PCDHGB2: variants seen among roughly 807,000 people sequenced by gnomAD.
PCDHGB2 encodes protocadherin gamma subfamily B, 2.
A neutral mutation model predicts 59.3 loss-of-function variants in PCDHGB2; 55 were observed. The observed-to-expected ratio is 0.93, with a 90% CI of 0.75 to 1.16. PCDHGB2 has a LOEUF of 1.16. PCDHGB2 is among the 50% of genes most tolerant of loss of function. The probability of loss-of-function intolerance (pLI) is 0.00; values close to 1 mark genes in which losing one functional copy is unlikely to be tolerated. For missense variants in PCDHGB2, 1,228 were observed against 1,198.5 expected (o/e 1.02, Z -0.36); for synonymous variants, 516 against 512.0 (o/e 1.01, Z -0.11).
chr5:141,497,919 T>G (rs762168347), intron 2 of PCDHGB2, among the ~76,000 whole-genome samples: 11 of 152,206 alleles, frequency 7.2e-5, no homozygotes, highest in Non-Finnish European at 1.6e-4. Flanking sequence ...TCTCCTTCAT[T>G]CATTCAACAA....
chr5:141,428,479 T>A (rs577865239), intron 1 of PCDHGB2: 1 of 328,682 alleles, frequency 3.0e-6, no homozygotes, highest in African/African-American at 2.1e-5. Flanking sequence ...TTTGCTTTAT[T>A]CCTGCAATCT....
chr5:141,433,223 T>C lies in PCDHGB2; in HGVS notation c.2422-61584T>C, dbSNP rs2097577369. On this transcript the variant is annotated intron_variant, in intron 1 of 3. Coordinates refer to ENST00000522605, the MANE Select transcript of PCDHGB2 (RefSeq NM_018923.3). The stretch of plus-strand genomic sequence containing the variant: ...AATCTTCTTTCTTTTTTTTTTTTAA[T>C]TGCTCTGTCTCCCAAGCTGGAATGC... The C allele has an allele frequency of 4.6e-6, 7 of 1,525,952 alleles. No individual in the cohort carries two copies. In the East Asian group the frequency reaches 1.6e-4, roughly 34 times the overall value. The allele number at this position is 1,525,952 out of a possible 1,614,324, so 94.5% of individuals were successfully genotyped here. A position where few individuals can be genotyped will look rare whatever the true frequency, so the allele number is the denominator to read the frequency against.
intron 1 of PCDHGB2, among the ~76,000 whole-genome samples, chr5:141,382,210 G>T (rs61675507): frequency 0.17 from 26,250 of 151,970 alleles, 2,491 homozygotes; most frequent in Admixed American, 0.27. Context: ...TATTAAAATA[G>T]GTCTATATAT....
intron 1 of PCDHGB2, chr5:141,370,493 C>T: frequency 6.2e-7 from 1 of 1,613,944 alleles, no homozygotes; most frequent in Non-Finnish European, 8.5e-7. Flanking sequence ...CCGAACCGAT[C>T]CGCTACGCTA....
intron 1 of PCDHGB2, chr5:141,410,715 G>A: frequency 1.4e-6 from 2 of 1,422,782 alleles, no homozygotes; most frequent in Non-Finnish European, 1.9e-6. Context: ...AGAATCATAT[G>A]TTTAAAATCC....
rs1562131721 is a variant in PCDHGB2, at chr5:141,489,636, C to CGAGA, written c.2422-5171_2422-5170insGAGA. 10 of 1,614,074 alleles carry CGAGA rather than the reference C, an allele frequency of 6.2e-6. No individual in the cohort carries two copies. The highest frequency in any genetic ancestry group is 2.7e-5 in the African/African-American group (2 of 74,930). On this transcript the variant is annotated intron_variant, in intron 1 of 3. Coordinates refer to ENST00000522605, the MANE Select transcript of PCDHGB2 (RefSeq NM_018923.3). This position sits in a 1 kb window ranked among gnomAD's most constrained non-coding sequence, Gnocchi z 4.5. ...TGGATCTCAATGACAACTCTCCTAG[C>CGAGA]TTTGCCACCCCTGAGCGAGAGATGC...
rs765756193 is a variant in PCDHGB2, at chr5:141,511,105, C to T, written c.2728C>T (p.Arg910Trp). The T allele has an allele frequency of 2.8e-5, 46 of 1,614,196 alleles. No individual in the cohort carries two copies. In the East Asian group the frequency reaches 3.1e-4, roughly 11 times the overall value. Residue 910 changes from arginine to tryptophan, a missense_variant, in exon 4 of 4, where the codon CGG becomes TGG. Transcript: ENST00000522605. ...CACACTGACCAACGCAGCTGGCAAG[C>T]GGGATGGCAAGGCCCCAGCAGGTGG... ...NATLTNAAGK[R>W]DGKAPAGGNG...
At chr5:141,480,240 C>CA (rs11374694) in intron 1 of PCDHGB2, among the ~76,000 whole-genome samples, 21,591 of 113,808 alleles carry the variant, frequency 0.19, 1,578 homozygotes, top group Admixed American at 0.21. Context: ...CCTGTCTCTA[C>CA]AAAAAAAAAA....
intron 1 of PCDHGB2, chr5:141,383,360 T>C (rs1319923403): frequency 6.2e-7 from 1 of 1,614,006 alleles, no homozygotes; most frequent in Admixed American, 1.7e-5. Flanking sequence ...CGGTTTCCGT[T>C]AAGCGAGGCT....
chr5:141,388,745 C>T lies in PCDHGB2; in HGVS notation c.2421+26189C>T, dbSNP rs1280615634. Reference sequence around the variant, plus strand: ...TCTCTTTCAGTGAAGCTAGCCAGATCACCCAATTTGACCTGAACTCTAACA... The same window carrying T: ...TCTCTTTCAGTGAAGCTAGCCAGATTACCCAATTTGACCTGAACTCTAACA... On this transcript the variant is annotated intron_variant, in intron 1 of 3. Coordinates refer to ENST00000522605, the MANE Select transcript of PCDHGB2 (RefSeq NM_018923.3). 3 of 1,614,024 alleles carry T rather than the reference C, an allele frequency of 1.9e-6. No individual in the cohort carries two copies. The Admixed American group carries it at 5.0e-5, about 27-fold the overall frequency.
At chr5:141,443,953 T>C (rs1373953428) in intron 1 of PCDHGB2, among the ~76,000 whole-genome samples, 1 of 152,142 alleles carries the variant, frequency 6.6e-6, no homozygotes, top group Non-Finnish European at 1.5e-5. Context: ...CTTATTGGTA[T>C]GTATTCTGTG....
In PCDHGB2 at chr5:141,431,464, G is replaced by C. The variant is rs1413324509; in HGVS notation, c.2422-63343G>C. On this transcript the variant is annotated intron_variant, in intron 1 of 3. Coordinates refer to ENST00000522605, the MANE Select transcript of PCDHGB2 (RefSeq NM_018923.3). This position sits in a 1 kb window ranked among gnomAD's most constrained non-coding sequence, Gnocchi z 4.8. ...GCATCCGCGTGATGGTTCTGGATGCGAACGACAACGCACCAGCGTTTGCTC... is the reference window on the plus strand; with the variant it reads ...GCATCCGCGTGATGGTTCTGGATGCCAACGACAACGCACCAGCGTTTGCTC... The C allele has an allele frequency of 6.2e-7, 1 of 1,613,664 alleles. No individual in the cohort carries two copies. Among genetic ancestry groups the C allele is most frequent in the African/African-American group, 1.3e-5 (1 of 74,950 alleles).
intron 1 of PCDHGB2, among the ~76,000 whole-genome samples, chr5:141,451,780 C>T (rs988572200): frequency 6.6e-6 from 1 of 152,016 alleles, no homozygotes; most frequent in Non-Finnish European, 1.5e-5. Flanking sequence ...ACTCAGGAGG[C>T]TGAGGCCAGA....
rs913767837 is a variant in PCDHGB2, at chr5:141,491,909, C to T, written c.2422-2898C>T. 8.5e-6 allele frequency: 12 copies of T among 1,403,834 alleles called. No individual in the cohort carries two copies. Among genetic ancestry groups the T allele is most frequent in the Non-Finnish European group, 1.1e-5 (12 of 1,057,326 alleles). 87.0% of individuals were successfully genotyped at this position (1,403,834 alleles called of 1,614,324 possible). A position where few individuals can be genotyped will look rare whatever the true frequency, so the allele number is the denominator to read the frequency against. Reference sequence around the variant, plus strand: ...GGGCTCCGAGCACCGGGGGTGGTGGCGACTGTGGGCGAGGGGAGGTGGGAC... The same window carrying T: ...GGGCTCCGAGCACCGGGGGTGGTGGTGACTGTGGGCGAGGGGAGGTGGGAC... On this transcript the variant is annotated intron_variant, in intron 1 of 3. Transcript: ENST00000522605. The surrounding 1 kb of genome is among the most constrained non-coding windows in gnomAD (Gnocchi z 6.9).
chr5:141,399,465 G>A, intron 1 of PCDHGB2: 1 of 1,614,014 alleles, frequency 6.2e-7, no homozygotes, highest in Non-Finnish European at 8.5e-7. Context: ...ATAACGCTCC[G>A]GTTTTCCACC....
rs1016254258 is a variant in PCDHGB2 at position 141,489,870 on chromosome 5, G to C, written c.2422-4937G>C. ...GTGAAGCCCAGGCAAGACATCAGCT[G>C]GTGCTTACTGCTGTGGATGGGGGGA... On this transcript the variant is annotated intron_variant, in intron 1 of 3. Transcript: ENST00000522605. The surrounding 1 kb of genome is among the most constrained non-coding windows in gnomAD (Gnocchi z 4.5). The C allele has an allele frequency of 2.0e-5, 32 of 1,614,102 alleles. No homozygotes were observed. Among genetic ancestry groups the C allele is most frequent in the African/African-American group, 4.0e-5 (3 of 74,944 alleles).
intron 1 of PCDHGB2, chr5:141,421,414 C>G: frequency 6.2e-7 from 1 of 1,614,066 alleles, no homozygotes; most frequent in Non-Finnish European, 8.5e-7. Flanking sequence ...GCTGGCGAAG[C>G]GCGGAGTCCG....
intron 1 of PCDHGB2, chr5:141,376,074 T>C (rs1309324229): frequency 6.2e-6 from 10 of 1,613,500 alleles, no homozygotes; most frequent in South Asian, 1.1e-5. Flanking sequence ...ACCGTGGCCG[T>C]GGCCGACAGG....
chr5:141,392,826 C>T, intron 1 of PCDHGB2: 1 of 1,601,188 alleles, frequency 6.2e-7, no homozygotes, highest in Non-Finnish European at 8.5e-7. Context: ...GGCCGCTCCA[C>T]AGAGTCGCCC....
Sources: gnomAD v4.1 joint callset for allele counts (sites outside exome capture counted in the v4.1 genomes callset) on GRCh38, gnomAD v4.1.1 for gene constraint, Gnocchi (gnomAD v3.1) non-coding constraint, MANE v1.5 for transcripts, NCBI Gene and HGNC (gene_info 2026-07-23, HGNC 2026-07-21) for gene names.